The following AXL variants were observed in gnomAD, a reference collection of about 807,000 sequenced individuals.
The protein encoded by AXL is tyrosine-protein kinase receptor UFO.
A neutral mutation model predicts 104.5 loss-of-function variants in AXL; 52 were observed. The observed-to-expected ratio is 0.50, with a 90% CI of 0.40 to 0.63. The LOEUF (loss-of-function observed/expected upper bound fraction) is 0.63. Ranked by LOEUF, AXL falls within the 20% of genes least tolerant of loss-of-function variation. The pLI, the probability that AXL is intolerant of heterozygous loss-of-function variation, is 0.00. For missense variants in AXL, 1,024 were observed against 1,188.5 expected, an observed-to-expected ratio of 0.86 and a Z score of 2.04; for synonymous variants, 455 against 473.7, an observed-to-expected ratio of 0.96 and a Z score of 0.51.
At chr19:41,229,221 T>C (rs2033934792) in intron 4 of AXL, among the ~76,000 whole-genome samples, 1 of 151,864 alleles carries the variant, frequency 6.6e-6, no homozygotes, top group African/African-American at 2.4e-5. Context: ...AAGGCTGGGA[T>C]TACGGGCATG....
rs756018335 is a variant in AXL, at chr19:41,221,975, G to A, written c.505G>A (p.Val169Met). 23 of 1,611,558 alleles carry A rather than the reference G, an allele frequency of 1.4e-5. No individual in the cohort carries two copies. The highest frequency in any genetic ancestry group is 6.7e-5 in the Admixed American group (4 of 59,628). The change falls in exon 4 of 20, where the codon GTG (valine) becomes ATG (methionine). Residue 169 changes from valine to methionine, a missense_variant. Around this residue, in one of 5 missense-constraint regions of AXL, gnomAD observed 332 missense variants for 343.9 expected, o/e 0.97. Coordinates refer to ENST00000301178, the MANE Select transcript of AXL (RefSeq NM_021913.5). ...SCQAQGPPEP[V>M]DLLWLQDAVP... ...CCAAGCTCAGGGACCCCCAGAGCCC[G>A]TGGACCTACTCTGGCTCCAGGATGC...
rs754737870 is a variant in AXL at position 41,248,830 on chromosome 19, G to A, written c.1711+10G>A. On this transcript the variant is annotated intron_variant, in intron 14 of 19. Coordinates refer to ENST00000301178, the MANE Select transcript of AXL (RefSeq NM_021913.5). ...GTGAAGACGATGAAGAGTGAGTTAC[G>A]TGCACATGTGTAGGACCCCCAGCTC... The A allele has an allele frequency of 1.8e-5, 29 of 1,600,550 alleles. No individual in the cohort carries two copies. The Admixed American group carries it at 2.2e-4, about 12-fold the overall frequency.
rs767979238 is a variant in AXL, at chr19:41,231,083, A to G, written c.667+36A>G. ...TGGGAGGTGGGGAGCTGGGCGTCAG[A>G]GGGTGGGGTTTGGGTCCGGGGTCAG... On this transcript the variant is annotated intron_variant, in intron 5 of 19. Transcript: ENST00000301178. 118 of 1,611,716 alleles carry G rather than the reference A, an allele frequency of 7.3e-5. 1 individual carries two copies. The East Asian group carries it at 2.6e-3, about 36-fold the overall frequency.
intron 5 of AXL, 29 bp downstream of exon 5, chr19:41,231,076 G>A: frequency 6.2e-7 from 1 of 1,613,556 alleles, no homozygotes; most frequent in East Asian, 2.2e-5. Flanking sequence ...GGGGAGCTGG[G>A]CGTCAGAGGG....
chr19:41,251,561 T>C (rs1323056585), intron 14 of AXL, among the ~76,000 whole-genome samples: 1 of 139,002 alleles, frequency 7.2e-6, no homozygotes, highest in Non-Finnish European at 1.6e-5. Context: ...AAACTCCATC[T>C]CAAAAAAAAA....
chr19:41,224,477 ATCC>A (rs2033844628), intron 4 of AXL, among the ~76,000 whole-genome samples: 1 of 151,936 alleles, frequency 6.6e-6, no homozygotes, highest in Non-Finnish European at 1.5e-5. Context: ...GGCTCAAGCA[ATCC>A]TCCTACCTCA....
rs568452639 is a variant in AXL, at chr19:41,238,001, G to C, written c.841G>C (p.Glu281Gln). The C allele has an allele frequency of 1.1e-5, 17 of 1,613,790 alleles. No homozygotes were observed. In the South Asian group the frequency reaches 1.6e-4, roughly 16 times the overall value. ...IQAGEPDPPE[E>Q]PLTSQASVPP... Reference sequence around the variant, plus strand: ...GGCGGGAGAACCAGACCCCCCAGAGGAGCCCCTCACCTCGCAAGCATCCGT... The same window carrying C: ...GGCGGGAGAACCAGACCCCCCAGAGCAGCCCCTCACCTCGCAAGCATCCGT... The change falls in exon 7 of 20, where the codon GAG becomes CAG. Residue 281 changes from glutamate (E) to glutamine (Q), a missense_variant. By Grantham distance (29) the Glu-to-Gln change is conservative. Coordinates refer to ENST00000301178, the MANE Select transcript of AXL (RefSeq NM_021913.5).
intron 12 of AXL, among the ~76,000 whole-genome samples, chr19:41,246,772 C>T (rs1336369230): frequency 1.3e-5 from 2 of 152,084 alleles, no homozygotes; most frequent in African/African-American, 4.8e-5. Context: ...CCAGGCTGAT[C>T]TCCAACTCCA....
Position 41,257,584 on chromosome 19 carries a change from G to A in AXL, c.2288G>A (p.Arg763His), listed in dbSNP as rs201238916. ...AACAGCGAGATTTATGACTATCTGC[G>A]CCAGGGAAATCGCCTGAAGCAGCCT... ...VENSEIYDYL[R>H]QGNRLKQPAD... The change falls in exon 19 of 20, where the codon CGC (arginine) becomes CAC (histidine). Residue 763 changes from arginine (R) to histidine (H), a missense_variant. Physicochemically the swap from Arg to His is conservative, Grantham distance 29. Around this residue, in one of 5 missense-constraint regions of AXL, gnomAD observed 523 missense variants for 636.0 expected, o/e 0.82. Coordinates refer to ENST00000301178, the MANE Select transcript of AXL (RefSeq NM_021913.5). The A allele has an allele frequency of 3.0e-4, 490 of 1,614,182 alleles. 9 individuals are homozygous for A. In the Admixed American group the frequency reaches 6.9e-3, roughly 23 times the overall value.
intron 12 of AXL, among the ~76,000 whole-genome samples, chr19:41,244,934 AT>A (rs34355478): frequency 0.38 from 54,298 of 141,178 alleles, 10,538 homozygotes; most frequent in African/African-American, 0.54. Context: ...AGTCTATACT[AT>A]TTTTTTTTTT....
chr19:41,241,433 G>A (rs140801123), intron 10 of AXL, among the ~76,000 whole-genome samples: 3,629 of 148,716 alleles, frequency 0.024, 159 homozygotes, highest in African/African-American at 0.085. Context: ...AATCCCAGCT[G>A]CTCGGGAGGC....
chr19:41,245,873 G>A (rs2034263012), intron 12 of AXL, among the ~76,000 whole-genome samples: 1 of 152,178 alleles, frequency 6.6e-6, no homozygotes, highest in African/African-American at 2.4e-5. Context: ...ATTTATTTAA[G>A]AAGAGAAGGA....
At chr19:41,258,918 G>C (rs555878977) in intron 19 of AXL, among the ~76,000 whole-genome samples, 1 of 152,374 alleles carries the variant, frequency 6.6e-6, no homozygotes, top group South Asian at 2.1e-4. Context: ...GCAGTCATCT[G>C]AAGGTTGGGA....
At chr19:41,257,233 G>A (rs1439530034) in intron 18 of AXL, among the ~76,000 whole-genome samples, 2 of 151,874 alleles carry the variant, frequency 1.3e-5, no homozygotes, top group East Asian at 1.9e-4. Context: ...TAGTAGAGAC[G>A]GGGTTTCACT....
At position 41,261,246 on chromosome 19, in the gene AXL, G is replaced by C. The variant is rs1219870230; in HGVS notation, c.*1342G>C. ...TAGATTCCATTGGTCCAAGATTCCG[G>C]ATCCTAAGCATCTAAGTTATAAGAC... On this transcript the variant is annotated 3_prime_UTR_variant, in exon 20 of 20. Transcript: ENST00000301178. 6.6e-6 allele frequency: 1 copy of C among 152,450 alleles called. No homozygotes were observed. The highest frequency in any genetic ancestry group is 1.5e-5 in the Non-Finnish European group (1 of 68,010). 9.4% of individuals were successfully genotyped at this position (152,450 alleles called of 1,614,324 possible).
chr19:41,257,594 T>C lies in AXL; in HGVS notation c.2298T>C (p.Asn766=), dbSNP rs1209527055. ...TTTATGACTATCTGCGCCAGGGAAA[T>C]CGCCTGAAGCAGCCTGCGGACTGTC... ...SEIYDYLRQG[N]RLKQPADCLD... is the part of the protein sequence containing the mutation. Residue 766 remains asparagine (N), a synonymous_variant, in exon 19 of 20, where the codon AAT becomes AAC. Coordinates refer to ENST00000301178, the MANE Select transcript of AXL (RefSeq NM_021913.5). 1.9e-6 allele frequency: 3 copies of C among 1,613,950 alleles called. No homozygotes were observed. Among genetic ancestry groups the C allele is most frequent in the Non-Finnish European group, 2.5e-6 (3 of 1,180,018 alleles).
chr19:41,254,864 T>C (rs918557880), intron 17 of AXL, among the ~76,000 whole-genome samples: 102 of 152,250 alleles, frequency 6.7e-4, no homozygotes, highest in African/African-American at 2.4e-3. Flanking sequence ...AAGTCAGCCA[T>C]GATGGTATCA....
chr19:41,229,247 C>A (rs1464034227), intron 4 of AXL, among the ~76,000 whole-genome samples: 1 of 151,554 alleles, frequency 6.6e-6, no homozygotes, highest in African/African-American at 2.4e-5. Context: ...CCGTGCCCAG[C>A]CTTTATTTTT....
At chr19:41,236,331 T>TA (rs36010942) in intron 6 of AXL, among the ~76,000 whole-genome samples, 14,535 of 101,972 alleles carry the variant, frequency 0.14, 1,545 homozygotes, top group South Asian at 0.31. Flanking sequence ...AGACTCTGTC[T>TA]AAAAAAAAAA....
Sources: gnomAD v4.1 joint callset for allele counts (sites outside exome capture counted in the v4.1 genomes callset) on GRCh38, gnomAD v4.1.1 for gene constraint, gnomAD v4.1.1 regional missense constraint, MANE v1.5 for transcripts, NCBI Gene and HGNC (gene_info 2026-07-23, HGNC 2026-07-21) for gene names.